MGAT4C: variants seen among roughly 807,000 people sequenced by gnomAD.
The protein encoded by MGAT4C is alpha-1,3-mannosyl-glycoprotein 4-beta-N-acetylglucosaminyltransferase C.
Under a neutral mutation model 40.1 loss-of-function variants are expected in MGAT4C, and 19 were observed. That is an observed-to-expected ratio of 0.47 (90% CI 0.33 to 0.70). The LOEUF (loss-of-function observed/expected upper bound fraction) is 0.70. Among genes scored for constraint, MGAT4C ranks in the 30% least tolerant of loss-of-function variants. MGAT4C has a pLI of 0.02. For synonymous variants in MGAT4C, 181 were observed against 187.1 expected (o/e 0.97, Z 0.27); for missense variants, 491 against 563.2 (o/e 0.87, Z 1.30).
intron 1 of MGAT4C, among the ~76,000 whole-genome samples, chr12:86,837,661 T>C (rs1953064098): frequency 6.6e-6 from 1 of 152,076 alleles, no homozygotes; most frequent in African/African-American, 2.4e-5. Flanking sequence ...AACAATATGA[T>C]AGATTTCATT....
At chr12:86,082,600 T>C (rs567602983) in intron 1 of MGAT4C, among the ~76,000 whole-genome samples, 3 of 152,252 alleles carry the variant, frequency 2.0e-5, no homozygotes, top group Non-Finnish European at 2.9e-5. Context: ...GAGTAGTAAA[T>C]GGCATATTGT....
At chr12:86,264,953 T>G (rs1952749302) in intron 4 of MGAT4C, among the ~76,000 whole-genome samples, 2 of 152,170 alleles carry the variant, frequency 1.3e-5, no homozygotes, top group Non-Finnish European at 2.9e-5. Context: ...TGTGACACCC[T>G]CTTTGGGGCT....
chr12:86,653,504 C>G (rs1963755605), intron 2 of MGAT4C, among the ~76,000 whole-genome samples: 1 of 151,950 alleles, frequency 6.6e-6, no homozygotes, highest in South Asian at 2.1e-4. Flanking sequence ...ATGCTCATAC[C>G]TAGCTGTATA....
intron 2 of MGAT4C, among the ~76,000 whole-genome samples, chr12:86,542,739 T>C (rs1475031469): frequency 6.6e-6 from 1 of 152,218 alleles, no homozygotes; most frequent in Non-Finnish European, 1.5e-5. Flanking sequence ...TGCTGCACTA[T>C]AAACTGTCAT....
intron 3 of MGAT4C, 95 bp from the exon 4 acceptor site, chr12:85,983,765 A>G: frequency 1.0e-6 from 1 of 989,180 alleles, no homozygotes; most frequent in Non-Finnish European, 1.4e-6. Context: ...GTACGACTAC[A>G]ATATATAGTA....
At chr12:86,365,931 A>G (rs1437370734) in intron 3 of MGAT4C, among the ~76,000 whole-genome samples, 1 of 152,150 alleles carries the variant, frequency 6.6e-6, no homozygotes, top group South Asian at 2.1e-4. Context: ...GGAAAATGCC[A>G]TTGGTATTTT....
At chr12:86,434,267 C>G (rs1327467009) in intron 3 of MGAT4C, among the ~76,000 whole-genome samples, 1 of 151,646 alleles carries the variant, frequency 6.6e-6, no homozygotes, top group African/African-American at 2.4e-5. Context: ...GTTTTCTGAA[C>G]TAAAGTTTAC....
At position 85,960,856 on chromosome 12, in the gene MGAT4C, A is replaced by T. The variant is rs948151141; in HGVS notation, c.*18433T>A. On this transcript the variant is annotated 3_prime_UTR_variant, in exon 5 of 5. Coordinates refer to ENST00000611864, the MANE Select transcript of MGAT4C (RefSeq NM_001351288.2). ...CACTCTTACCACTGATTTGATTGAT[A>T]CTGAGCCTGTAAATATTTATTTATA... is the stretch of plus-strand genomic sequence containing the variant. 1 of 151,982 alleles carries T rather than the reference A, an allele frequency of 6.6e-6. No homozygotes were observed. The highest frequency in any genetic ancestry group is 2.4e-5 in the African/African-American group (1 of 41,456). The allele number at this position is 151,982 out of a possible 1,614,324, so 9.4% of individuals were successfully genotyped here. A position where few individuals can be genotyped will look rare whatever the true frequency, so the allele number is the denominator to read the frequency against.
rs571379351 is a variant in MGAT4C at position 86,543,342 on chromosome 12, T to C, written c.-228-108077A>G. ...GGAAAATTCACTAACAAATTCCACA[T>C]TTCTTTTTTTAAACCTTGAAACATT... On this transcript the variant is annotated intron_variant, in intron 2 of 7. Coordinates refer to the MGAT4C transcript ENST00000548651. Among the ~76,000 whole-genome samples the C allele has an allele frequency of 1.7e-4, 26 of 151,714 alleles. No homozygotes were observed. The East Asian group carries it at 3.7e-3, about 21-fold the overall frequency.
At chr12:86,790,758 G>T (rs1315598624) in intron 1 of MGAT4C, among the ~76,000 whole-genome samples, 4 of 152,014 alleles carry the variant, frequency 2.6e-5, no homozygotes, top group Admixed American at 2.6e-4. Context: ...TAATAAAATT[G>T]AATCTCTGCG....
chr12:86,258,757 T>A (rs1952594326), upstream of MGAT4C, among the ~76,000 whole-genome samples: 1 of 152,058 alleles, frequency 6.6e-6, no homozygotes, highest in African/African-American at 2.4e-5. Context: ...TTTAAGGACA[T>A]ACACTTATTA....
intron 1 of MGAT4C, among the ~76,000 whole-genome samples, chr12:86,098,429 G>A (rs540579274): frequency 2.0e-5 from 3 of 151,688 alleles, no homozygotes; most frequent in African/African-American, 2.4e-5. Flanking sequence ...GAACCATTGA[G>A]GCATGTGTGA....
chr12:86,729,784 C>G (rs1950879917), intron 1 of MGAT4C, among the ~76,000 whole-genome samples: 1 of 151,914 alleles, frequency 6.6e-6, no homozygotes, highest in Non-Finnish European at 1.5e-5. Flanking sequence ...AAATCATTCC[C>G]CTAGATGGGA....
chr12:86,675,662 T>G (rs530454355), intron 2 of MGAT4C, among the ~76,000 whole-genome samples: 152 of 152,326 alleles, frequency 1.0e-3, no homozygotes, highest in African/African-American at 3.5e-3. Context: ...GATCTTTTTT[T>G]AAATGATCCT....
At chr12:86,262,990 A>T (rs1443021538) in intron 4 of MGAT4C, among the ~76,000 whole-genome samples, 2 of 151,768 alleles carry the variant, frequency 1.3e-5, no homozygotes, top group Admixed American at 1.3e-4. Flanking sequence ...TATTTTATAT[A>T]TTTTCTATTA....
At chr12:86,096,264 A>G (rs1592926134) in intron 1 of MGAT4C, among the ~76,000 whole-genome samples, 1 of 151,860 alleles carries the variant, frequency 6.6e-6, no homozygotes, top group African/African-American at 2.4e-5. Context: ...TAGGTCACAT[A>G]CATGGCATGA....
chr12:86,307,894 A>G (rs946945802), intron 4 of MGAT4C, among the ~76,000 whole-genome samples: 14 of 150,072 alleles, frequency 9.3e-5, no homozygotes, highest in Admixed American at 2.0e-4. Flanking sequence ...TAGTAGAGAC[A>G]GGGTTTCACC....
chr12:86,004,160 T>C, intron 2 of MGAT4C, among the ~76,000 whole-genome samples: 1 of 152,154 alleles, frequency 6.6e-6, no homozygotes, highest in East Asian at 1.9e-4. Context: ...CTAAAAATAA[T>C]TTGGTTTATT....
intron 2 of MGAT4C, among the ~76,000 whole-genome samples, chr12:86,715,488 A>G (rs530019574): frequency 6.6e-6 from 1 of 152,188 alleles, no homozygotes; most frequent in Admixed American, 6.6e-5. Context: ...GTTTTTCTGT[A>G]TGTATATTAT....
Sources: allele counts gnomAD v4.1 joint callset (sites outside exome capture counted in the v4.1 genomes callset), GRCh38; gene constraint gnomAD v4.1.1; transcripts MANE v1.5; gene names NCBI Gene and HGNC (gene_info 2026-07-23, HGNC 2026-07-21).